The following TRIM64C variants were observed in gnomAD, a reference collection of about 807,000 sequenced individuals.
TRIM64C encodes the protein tripartite motif-containing protein 64C.
TRIM64C carries 25 observed loss-of-function variants against 36.1 expected under a neutral mutation model. The ratio of observed to expected loss-of-function variants is 0.69; its 90% CI spans 0.51 to 0.97. TRIM64C has a LOEUF of 0.97. Among genes scored for constraint, TRIM64C ranks in the 50% least tolerant of loss-of-function variants. The pLI, the probability that TRIM64C is intolerant of heterozygous loss-of-function variation, is 0.00. For missense variants in TRIM64C, 489 were observed against 536.8 expected, an observed-to-expected ratio of 0.91 and a Z score of 0.88; for synonymous variants, 212 against 185.7, an observed-to-expected ratio of 1.14 and a Z score of -1.15.
intron 1 of TRIM64C, 59 bp from the exon 2 acceptor site, chr11:49,058,231 C>G: frequency 8.5e-7 from 1 of 1,175,826 alleles, no homozygotes; most frequent in East Asian, 2.7e-5. Context: ...ATCCCTTTAT[C>G]AATAAAAAAA....
In TRIM64C at chr11:49,057,212, C is replaced by A. The variant is rs1854823669; in HGVS notation, c.674G>T (p.Gly225Val). Residue 225 changes from glycine to valine, a missense_variant, in exon 3 of 6, where the codon GGG becomes GTG. Coordinates refer to ENST00000617704, the MANE Select transcript of TRIM64C (RefSeq NM_001206631.1). ...SQVRMTQHLE[G>V]MKDMYRELWE... The stretch of plus-strand genomic sequence containing the variant: ...CAGCTCTCTGTACATGTCTTTCATC[C>A]CTTCTAAATGTTGGGTCATTCTCAC... 2 of 1,549,604 alleles carry A rather than the reference C, an allele frequency of 1.3e-6. No individual in the cohort carries two copies. The highest frequency in any genetic ancestry group is 3.9e-5 in the Admixed American group (2 of 50,982).
Position 49,055,353 on chromosome 11 carries a change from T to G in TRIM64C, c.816A>C (p.Ser272=), listed in dbSNP as rs1423018228. Reference sequence around the variant, plus strand: ...TGTCTAGGACTCCAGTTATGCACCATGAAGTGAGCTCTGGGTTCACTGGCT... The same window carrying G: ...TGTCTAGGACTCCAGTTATGCACCAGGAAGTGAGCTCTGGGTTCACTGGCT... The part of the protein sequence containing the change: ...KPQPVNPELT[S]WCITGVLDML... The change falls in exon 5 of 6, where the codon TCA becomes TCC. Residue 272 remains serine (S), a synonymous_variant. Transcript: ENST00000617704. 8 of 1,535,396 alleles carry G rather than the reference T, an allele frequency of 5.2e-6. No individual in the cohort carries two copies. The highest frequency in any genetic ancestry group is 2.7e-5 in the African/African-American group (2 of 72,808).
intron 3 of TRIM64C, among the ~76,000 whole-genome samples, chr11:49,056,879 C>CT (rs941075338): frequency 1.3e-5 from 2 of 151,832 alleles, no homozygotes; most frequent in Non-Finnish European, 2.9e-5. Flanking sequence ...GCCTAGAGTT[C>CT]TAATGATCTT....
intron 4 of TRIM64C, among the ~76,000 whole-genome samples, chr11:49,056,015 C>T (rs1365380841): frequency 6.9e-6 from 1 of 144,754 alleles, no homozygotes; most frequent in South Asian, 2.2e-4. Context: ...TCTCCTCGAT[C>T]TGTCTTTTTT....
Position 49,057,595 on chromosome 11 carries a change from G to A in TRIM64C, c.508-217C>T, listed in dbSNP as rs1052717370. On this transcript the variant is annotated intron_variant, in intron 2 of 5. Transcript: ENST00000617704. Reference sequence around the variant, plus strand: ...ACCAATATAAAGACTCCTGGTTTCCGTCACTGTAATGCTTCTTCACAGTTC... The same window carrying A: ...ACCAATATAAAGACTCCTGGTTTCCATCACTGTAATGCTTCTTCACAGTTC... Among the ~76,000 whole-genome samples, 9 of 151,498 alleles carry A rather than the reference G, an allele frequency of 5.9e-5. 1 individual carries two copies. The highest frequency in any genetic ancestry group is 9.8e-5 in the African/African-American group (4 of 40,946).
Position 49,058,731 on chromosome 11 carries a change from T to C in TRIM64C, c.382A>G (p.Ile128Val). The C allele has an allele frequency of 6.5e-7, 1 of 1,547,462 alleles. No individual in the cohort carries two copies. The highest frequency in any genetic ancestry group is 8.7e-7 in the Non-Finnish European group (1 of 1,146,546). Reference protein sequence around the residue: ...PEHMAHSHSPIGWAAEECRVQ... With the variant: ...PEHMAHSHSPVGWAAEECRVQ... The stretch of plus-strand genomic sequence containing the variant: ...CTGCATTCCTCAGCAGCCCATCCTA[T>C]TGGGCTGTGGCTGTGAGCCATGTGC... Residue 128 changes from isoleucine (I) to valine (V), a missense_variant, in exon 1 of 6, where the codon ATA becomes GTA. Coordinates refer to ENST00000617704, the MANE Select transcript of TRIM64C (RefSeq NM_001206631.1).
intron 4 of TRIM64C, among the ~76,000 whole-genome samples, chr11:49,055,996 G>A (rs1223045933): frequency 6.6e-6 from 1 of 151,328 alleles, no homozygotes; most frequent in Non-Finnish European, 1.5e-5. Flanking sequence ...CCCATCCTTA[G>A]GGAATATCTC....
chr11:49,057,417 C>T, intron 2 of TRIM64C, 39 bp from the exon 3 acceptor site: 3 of 1,539,856 alleles, frequency 1.9e-6, no homozygotes, highest in Non-Finnish European at 2.6e-6. Flanking sequence ...CATGTTCTCA[C>T]TCTCAATAGA....
At position 49,058,203 on chromosome 11, in the gene TRIM64C, A is replaced by G. The variant is rs1338847249; in HGVS notation, c.413-31T>C. ...AAAAGAAGCAAGAAGCTTAGCAATG[A>G]TGAAGACAGTAGATCTTATCCCTTT... On this transcript the variant is annotated intron_variant, in intron 1 of 5. Coordinates refer to ENST00000617704, the MANE Select transcript of TRIM64C (RefSeq NM_001206631.1). The G allele has an allele frequency of 2.9e-6, 4 of 1,365,072 alleles. No homozygotes were observed. The East Asian group carries it at 1.0e-4, about 34-fold the overall frequency. The allele number at this position is 1,365,072 out of a possible 1,614,324, so 84.6% of individuals were successfully genotyped here.
intron 5 of TRIM64C, among the ~76,000 whole-genome samples, chr11:49,054,960 C>T (rs1854795439): frequency 1.3e-5 from 2 of 152,080 alleles, no homozygotes; most frequent in Non-Finnish European, 1.5e-5. Flanking sequence ...AATTAAAAAC[C>T]ATTATGCCAA....
Position 49,057,350 on chromosome 11 carries a change from A to G in TRIM64C, c.536T>C (p.Ile179Thr), listed in dbSNP as rs775013856. Residue 179 changes from isoleucine (I) to threonine (T), a missense_variant, in exon 3 of 6, where the codon ATC (isoleucine) becomes ACC (threonine). By Grantham distance (89) the Ile-to-Thr change is moderately conservative. Coordinates refer to ENST00000617704, the MANE Select transcript of TRIM64C (RefSeq NM_001206631.1). Reference sequence around the variant, plus strand: ...ATGCATCTTTTGATACTGAATAGTGATTATCACCTTCCTTAATGACACATA... The same window carrying G: ...ATGCATCTTTTGATACTGAATAGTGGTTATCACCTTCCTTAATGACACATA... ...VDYVSLRKVI[I>T]TIQYQKMHIF... 8.6e-5 allele frequency: 134 copies of G among 1,549,616 alleles called. No homozygotes were observed. Among genetic ancestry groups the G allele is most frequent in the Non-Finnish European group, 7.4e-5 (85 of 1,146,944 alleles).
chr11:49,053,716 A>G lies in TRIM64C; in HGVS notation c.1351T>C (p.Ter451ArgextTer?). ...TAAATCATCATGAAACCAACTTTTCATGTACAACCAAAGCAAAAGAAAGGC... is the reference window on the plus strand; with the variant it reads ...TAAATCATCATGAAACCAACTTTTCGTGTACAACCAAAGCAAAAGAAAGGC... ...LRPFFCFGCT[*>R] The change falls in exon 6 of 6, where the codon TGA becomes CGA. Residue 451 changes from the stop codon to arginine, a stop_lost. Coordinates refer to ENST00000617704, the MANE Select transcript of TRIM64C (RefSeq NM_001206631.1). 2 of 1,548,868 alleles carry G rather than the reference A, an allele frequency of 1.3e-6. No individual in the cohort carries two copies. The highest frequency in any genetic ancestry group is 1.2e-5 in the South Asian group (1 of 83,846).
rs559418980 is a variant in TRIM64C, at chr11:49,054,057, G to A, written c.1010C>T (p.Thr337Ile). The change falls in exon 6 of 6, where the codon ACC becomes ATC. Residue 337 changes from threonine (T) to isoleucine (I), a missense_variant. Coordinates refer to ENST00000617704, the MANE Select transcript of TRIM64C (RefSeq NM_001206631.1). The part of the protein sequence containing the change: ...SFAVWCAQAF[T>I]SGKHYWEVDV... ...CACTTCCCAGTAATGCTTGCCGGAG[G>A]TGAATGCTTGCGCACACCACACAGC... 5.2e-5 allele frequency: 81 copies of A among 1,551,430 alleles called. No individual in the cohort carries two copies. The highest frequency in any genetic ancestry group is 4.3e-4 in the Admixed American group (22 of 50,978).
chr11:49,054,349 G>T, intron 5 of TRIM64C, 142 bp from the exon 6 acceptor site: 2 of 910,992 alleles, frequency 2.2e-6, no homozygotes, highest in South Asian at 3.7e-5. Context: ...CATCCATGAA[G>T]ATGAAATGTT....
At position 49,053,870 on chromosome 11, in the gene TRIM64C, A is replaced by G. The variant is rs1854777844; in HGVS notation, c.1197T>C (p.Tyr399=). 6.4e-7 allele frequency: 1 copy of G among 1,551,816 alleles called. No individual in the cohort carries two copies. Among genetic ancestry groups the G allele is most frequent in the South Asian group, 1.2e-5 (1 of 84,058 alleles). Reference sequence around the variant, plus strand: ...CAACCCAACCCAGAGGCCTTTGCACATACTGGATTAAAGGTGGAGAATTGG... The same window carrying G: ...CAACCCAACCCAGAGGCCTTTGCACGTACTGGATTAAAGGTGGAGAATTGG... The part of the protein sequence containing the change: ...LSTNSPPLIQ[Y]VQRPLGWVGV... The change falls in exon 6 of 6, where the codon TAT becomes TAC. Residue 399 remains tyrosine, a synonymous_variant. Coordinates refer to ENST00000617704, the MANE Select transcript of TRIM64C (RefSeq NM_001206631.1).
rs1854822047 is a variant in TRIM64C at position 49,057,062 on chromosome 11, T to C, written c.738+86A>G. 16 of 1,479,882 alleles carry C rather than the reference T, an allele frequency of 1.1e-5. 1 individual carries two copies. The South Asian group carries it at 1.5e-4, about 13-fold the overall frequency. 91.7% of individuals were successfully genotyped at this position (1,479,882 alleles called of 1,614,324 possible). A position where few individuals can be genotyped will look rare whatever the true frequency, so the allele number is the denominator to read the frequency against. Reference sequence around the variant, plus strand: ...GCATGTGTCACTTAGCTTAGAGCAGTGACATATGCTGATGACATTTGCATG... The same window carrying C: ...GCATGTGTCACTTAGCTTAGAGCAGCGACATATGCTGATGACATTTGCATG... On this transcript the variant is annotated intron_variant, in intron 3 of 5. Coordinates refer to ENST00000617704, the MANE Select transcript of TRIM64C (RefSeq NM_001206631.1).
chr11:49,057,798 A>G (rs1819409), intron 2 of TRIM64C: 82,680 of 510,798 alleles, frequency 0.16, 8,991 homozygotes, highest in African/African-American at 0.39. Flanking sequence ...ACCCAGTCTT[A>G]GTGAAAGGTT....
intron 4 of TRIM64C, among the ~76,000 whole-genome samples, 167 bp from the exon 5 acceptor site, chr11:49,055,574 T>G (rs1212032169): frequency 1.3e-5 from 2 of 152,196 alleles, no homozygotes; most frequent in Non-Finnish European, 2.9e-5. Context: ...GGATGTTAAT[T>G]TTTTTAAATT....
intron 1 of TRIM64C, 129 bp downstream of exon 1, chr11:49,058,572 T>G: frequency 6.8e-7 from 1 of 1,468,382 alleles, no homozygotes; most frequent in South Asian, 1.4e-5. Context: ...AAGGACACAT[T>G]TATGTGTTAT....
Sources: gnomAD v4.1 joint callset for allele counts (sites outside exome capture counted in the v4.1 genomes callset) on GRCh38, gnomAD v4.1.1 for gene constraint, MANE v1.5 for transcripts, NCBI Gene and HGNC (gene_info 2026-07-23, HGNC 2026-07-21) for gene names.